The following DPP6 variants were observed in gnomAD, a reference collection of about 807,000 sequenced individuals.
DPP6 encodes the protein dipeptidyl peptidase like 6.
In DPP6, 69 loss-of-function variants were observed where a neutral mutation model predicts 122.6. The observed-to-expected ratio is 0.56, with a 90% CI of 0.46 to 0.69. The LOEUF (loss-of-function observed/expected upper bound fraction) is 0.69, where lower values mean the gene tolerates loss of function less well. Among genes scored for constraint, DPP6 ranks in the 30% least tolerant of loss-of-function variants. DPP6 has a pLI of 0.00. For synonymous variants in DPP6, 418 were observed against 433.1 expected (o/e 0.97, Z 0.43); for missense variants, 928 against 1,116.9 (o/e 0.83, Z 2.41).
chr7:153,821,835 T>C, the DPP6 span, among the ~76,000 whole-genome samples: 2 of 151,590 alleles, frequency 1.3e-5, no homozygotes, highest in Non-Finnish European at 2.9e-5. Context: ...GCAGGAAAGA[T>C]GCTTCTTTTT....
intron 20 of DPP6, 118 bp from the exon 21 acceptor site, chr7:154,880,770 T>A: frequency 6.4e-7 from 1 of 1,556,594 alleles, no homozygotes; most frequent in East Asian, 2.3e-5. Context: ...AGGTTGCTTT[T>A]TATTTGAAGA....
chr7:154,381,525 A>G (rs1813609119), intron 1 of DPP6, among the ~76,000 whole-genome samples: 1 of 151,778 alleles, frequency 6.6e-6, no homozygotes. Context: ...AATGTATGAC[A>G]AAAGTTTCAT....
At chr7:154,489,860 C>G (rs1824122106) in intron 3 of DPP6, among the ~76,000 whole-genome samples, 1 of 152,066 alleles carries the variant, frequency 6.6e-6, no homozygotes, top group African/African-American at 2.4e-5. Flanking sequence ...AACAAAAAGC[C>G]AAATGCAGGA....
rs534928368 is a variant in DPP6 at position 154,120,185 on chromosome 7, A to C, written c.243+67122A>C. Among the ~76,000 whole-genome samples the C allele has an allele frequency of 1.1e-4, 16 of 150,666 alleles. No homozygotes were observed. In the East Asian group the frequency reaches 3.1e-3, roughly 29 times the overall value. The stretch of plus-strand genomic sequence containing the variant: ...TAATTTTTTTTTATTTTTATCACTC[A>C]CTATACTTGACTGTGTTATGATTTC... On this transcript the variant is annotated intron_variant, in intron 1 of 25. Coordinates refer to ENST00000377770, the MANE Select transcript of DPP6 (RefSeq NM_130797.4).
the DPP6 span, among the ~76,000 whole-genome samples, chr7:153,842,974 G>A: frequency 7.2e-5 from 11 of 152,112 alleles, no homozygotes; most frequent in East Asian, 5.8e-4. Context: ...ACCCACCTGC[G>A]CATGTGTGCA....
chr7:154,807,505 A>G (rs1207166024), intron 16 of DPP6, among the ~76,000 whole-genome samples: 1 of 152,212 alleles, frequency 6.6e-6, no homozygotes. Context: ...TTCAAAGATT[A>G]ACTTTTCAAT....
At chr7:153,782,417 A>G in the DPP6 span, among the ~76,000 whole-genome samples, 1 of 152,140 alleles carries the variant, frequency 6.6e-6, no homozygotes, top group Admixed American at 6.5e-5. Flanking sequence ...CAAAGCTGTC[A>G]ACTAGAGGCA....
chr7:154,106,631 G>T (rs1258007710), intron 1 of DPP6, among the ~76,000 whole-genome samples: 1 of 151,368 alleles, frequency 6.6e-6, no homozygotes, highest in Non-Finnish European at 1.5e-5. Flanking sequence ...GGGGGTGCAC[G>T]TGGGTGAAGG....
intron 1 of DPP6, among the ~76,000 whole-genome samples, chr7:154,400,504 C>T (rs1408639222): frequency 6.6e-6 from 1 of 152,154 alleles, no homozygotes; most frequent in Non-Finnish European, 1.5e-5. Flanking sequence ...CCCACTGGGG[C>T]CATTTTAGCG....
intron 1 of DPP6, among the ~76,000 whole-genome samples, chr7:154,205,782 AAATT>A (rs1211539756): frequency 0.013 from 812 of 62,982 alleles, 4 homozygotes; most frequent in African/African-American, 0.03. Context: ...AAAAAAAAAA[AAATT>A]AATTAATTAA....
At chr7:154,094,068 T>C (rs1165849225) in intron 1 of DPP6, 1 of 152,120 alleles carries the variant, frequency 6.6e-6, no homozygotes, top group East Asian at 1.9e-4. Context: ...GATTAGAAAT[T>C]ATCTATATAA....
intron 1 of DPP6, among the ~76,000 whole-genome samples, chr7:154,328,502 A>C (rs1000183308): frequency 1.3e-5 from 2 of 152,152 alleles, no homozygotes; most frequent in Non-Finnish European, 2.9e-5. Flanking sequence ...GGAAGCAATT[A>C]ATTTGCCATA....
At chr7:154,289,552 G>A (rs1585840713) in intron 1 of DPP6, among the ~76,000 whole-genome samples, 1 of 152,276 alleles carries the variant, frequency 6.6e-6, no homozygotes, top group African/African-American at 2.4e-5. Context: ...TAAGGTGTCA[G>A]GAATATAGCA....
chr7:154,601,023 G>A (rs1386228433), intron 5 of DPP6, among the ~76,000 whole-genome samples: 2 of 120,600 alleles, frequency 1.7e-5, no homozygotes, highest in African/African-American at 5.3e-5. Context: ...CCCTGGAGGC[G>A]GAGGTTGCGG....
chr7:154,884,713 TCA>T (rs1289531498), intron 21 of DPP6: 5 of 126,900 alleles, frequency 3.9e-5, no homozygotes, highest in South Asian at 2.4e-4. Flanking sequence ...GCACACATGA[TCA>T]CACATACACA....
At chr7:154,806,959 G>C in intron 15 of DPP6, 35 bp from the exon 16 acceptor site, 1 of 1,608,620 alleles carries the variant, frequency 6.2e-7, no homozygotes, top group Non-Finnish European at 8.5e-7. Context: ...GCTCCTCTCC[G>C]CCCACATTCA....
intron 8 of DPP6, among the ~76,000 whole-genome samples, chr7:154,751,609 CAAAAAA>C (rs11339562): frequency 1.6e-4 from 14 of 87,376 alleles, no homozygotes; most frequent in African/African-American, 5.3e-4. Context: ...GACTCTGTCT[CAAAAAA>C]AAAAAAAAAA....
chr7:154,653,782 C>T (rs994034743), intron 6 of DPP6, among the ~76,000 whole-genome samples: 3 of 152,234 alleles, frequency 2.0e-5, no homozygotes, highest in East Asian at 1.9e-4. Context: ...TCTGCTTCCC[C>T]GTCATGTCTT....
At chr7:154,052,107 T>G (rs1173708294), upstream of DPP6, among the ~76,000 whole-genome samples, 1 of 108,108 alleles carries the variant, frequency 9.3e-6, no homozygotes, top group East Asian at 3.5e-4. This position sits in a 1 kb window ranked among gnomAD's most constrained non-coding sequence, Gnocchi z 4.8. Context: ...TCCGCTCGCG[T>G]GCTGCGGGGC....
Sources: allele counts gnomAD v4.1 joint callset (sites outside exome capture counted in the v4.1 genomes callset), GRCh38; gene constraint gnomAD v4.1.1; non-coding constraint Gnocchi (gnomAD v3.1); transcripts MANE v1.5; gene names NCBI Gene and HGNC (gene_info 2026-07-23, HGNC 2026-07-21).